Variants in AGAP1 observed in about 807,000 individuals in gnomAD.
AGAP1 encodes the protein arf-GAP with GTPase, ANK repeat and PH domain-containing protein 1.
A neutral mutation model predicts 105.3 loss-of-function variants in AGAP1; 29 were observed. The observed-to-expected ratio is 0.28, with a 90% CI of 0.21 to 0.38. The LOEUF (loss-of-function observed/expected upper bound fraction) is 0.38. Ranked by LOEUF, AGAP1 falls within the 10% of genes least tolerant of loss-of-function variation. The pLI is 1.00. For synonymous variants in AGAP1, 509 were observed against 485.9 expected, an observed-to-expected ratio of 1.05 and a Z score of -0.63; for missense variants, 998 against 1,165.1, an observed-to-expected ratio of 0.86 and a Z score of 2.09.
chr2:235,513,500 G>A (rs11894057), intron 1 of AGAP1, among the ~76,000 whole-genome samples: 6,204 of 147,346 alleles, frequency 0.042, 438 homozygotes, highest in African/African-American at 0.15. Flanking sequence ...CAGCCTGGGC[G>A]GCAGAGCAAG....
intron 1 of AGAP1, among the ~76,000 whole-genome samples, chr2:235,584,193 C>CTTTTTTTT (rs11447483): frequency 1.4e-5 from 2 of 139,986 alleles, no homozygotes; most frequent in Non-Finnish European, 1.5e-5. Flanking sequence ...CAATAAACCA[C>CTTTTTTTT]TTTTTTTTTT....
intron 1 of AGAP1, among the ~76,000 whole-genome samples, chr2:235,561,296 G>A (rs1402153217): frequency 1.3e-5 from 2 of 152,156 alleles, no homozygotes; most frequent in African/African-American, 2.4e-5. Flanking sequence ...AACAAATGAC[G>A]TTTAGGAAAC....
chr2:235,870,799 C>G (rs923034108), intron 9 of AGAP1, among the ~76,000 whole-genome samples: 1 of 152,184 alleles, frequency 6.6e-6, no homozygotes, highest in Admixed American at 6.5e-5. Flanking sequence ...CTCTGCCTTT[C>G]CCATAAGAAC....
intron 9 of AGAP1, among the ~76,000 whole-genome samples, chr2:235,819,214 G>T (rs1417460144): frequency 1.3e-5 from 2 of 150,094 alleles, no homozygotes; most frequent in Non-Finnish European, 2.9e-5. Flanking sequence ...CTCCCGTGTT[G>T]AATTGATCCT....
At chr2:235,956,919 C>T (rs535410786) in intron 12 of AGAP1, among the ~76,000 whole-genome samples, 3 of 152,340 alleles carry the variant, frequency 2.0e-5, no homozygotes, top group Non-Finnish European at 2.9e-5. Flanking sequence ...CTCACTAGAC[C>T]GTATAGTGGA....
rs1951618365 is a variant in AGAP1, at chr2:235,725,874, A to G, written c.310+8230A>G. ...CAGGTGATATTGTCTAAAAATAGGT[A>G]AAGGATGCTAACATTATTATTAGAT... On this transcript the variant is annotated intron_variant, in intron 3 of 17. Coordinates refer to ENST00000304032, the MANE Select transcript of AGAP1 (RefSeq NM_001037131.3). The surrounding 1 kb of genome is among the most constrained non-coding windows in gnomAD (Gnocchi z 5.7). 6.6e-6 allele frequency among the ~76,000 whole-genome samples: 1 copy of G among 152,238 alleles called. No individual in the cohort carries two copies. The highest frequency in any genetic ancestry group is 2.4e-5 in the African/African-American group (1 of 41,458).
At chr2:236,063,745 G>A (rs2058270603) in intron 16 of AGAP1, among the ~76,000 whole-genome samples, 1 of 152,228 alleles carries the variant, frequency 6.6e-6, no homozygotes, top group South Asian at 2.1e-4. Context: ...ACTCCTGGCT[G>A]CAGAGATCTG....
At chr2:235,682,436 G>T (rs552752484) in intron 1 of AGAP1, among the ~76,000 whole-genome samples, 54 of 151,968 alleles carry the variant, frequency 3.6e-4, no homozygotes, top group Admixed American at 3.3e-3. Flanking sequence ...TCTGCCTCCC[G>T]GGTTCAAGAG....
chr2:236,052,077 G>T (rs538596570), intron 16 of AGAP1, among the ~76,000 whole-genome samples: 1 of 152,204 alleles, frequency 6.6e-6, no homozygotes, highest in African/African-American at 2.4e-5. Flanking sequence ...CAGAACCTAC[G>T]ATTGTTAGTA....
rs6744259 is a variant in AGAP1 at position 235,904,909 on chromosome 2, A to G, written c.1156-3829A>G. Among the ~76,000 whole-genome samples, 122,305 of 151,754 alleles carry G rather than the reference A, an allele frequency of 0.81. 49,465 individuals carry two copies. Among genetic ancestry groups the G allele is most frequent in the East Asian group, 0.99 (5,110 of 5,164 alleles). ...TTGAGTAGGAAATGCATTTTGTAAA[A>G]TTTTTAAAAATGTGCAGTGCCTTGA... On this transcript the variant is annotated intron_variant, in intron 10 of 17. Coordinates refer to ENST00000304032, the MANE Select transcript of AGAP1 (RefSeq NM_001037131.3). This position sits in a 1 kb window ranked among gnomAD's most constrained non-coding sequence, Gnocchi z 4.2.
chr2:235,932,936 TTTTTA>T (rs1312676439), intron 12 of AGAP1, among the ~76,000 whole-genome samples: 1 of 152,208 alleles, frequency 6.6e-6, no homozygotes, highest in African/African-American at 2.4e-5. Context: ...GAATGCCAGT[TTTTTA>T]TTCACAAAGC....
chr2:236,052,923 T>C (rs893662928), intron 16 of AGAP1, among the ~76,000 whole-genome samples: 3 of 152,206 alleles, frequency 2.0e-5, no homozygotes, highest in African/African-American at 7.2e-5. Context: ...ATATCGATTT[T>C]AAGTGGGGAT....
intron 3 of AGAP1, chr2:235,718,405 T>C: frequency 1.0e-6 from 1 of 985,690 alleles, no homozygotes; most frequent in Non-Finnish European, 1.2e-6. Context: ...AACTATTCAT[T>C]TTCTTCATGG....
chr2:235,856,144 C>T (rs1005692859), intron 9 of AGAP1, among the ~76,000 whole-genome samples: 1 of 152,108 alleles, frequency 6.6e-6, no homozygotes, highest in African/African-American at 2.4e-5. Context: ...GAACTCCTGA[C>T]CTTGTGAGCC....
At chr2:236,070,567 C>T (rs1422653982) in intron 16 of AGAP1, among the ~76,000 whole-genome samples, 1 of 152,194 alleles carries the variant, frequency 6.6e-6, no homozygotes, top group Non-Finnish European at 1.5e-5. Context: ...CCAATGAATG[C>T]ATAAACAAAA....
chr2:236,057,474 A>T (rs367546386), intron 16 of AGAP1, among the ~76,000 whole-genome samples: 2 of 152,170 alleles, frequency 1.3e-5, no homozygotes, highest in Non-Finnish European at 2.9e-5. Context: ...ATCAGTGCTA[A>T]TCCTAAGAGC....
chr2:236,032,514 A>G (rs888624401), intron 13 of AGAP1, among the ~76,000 whole-genome samples: 8 of 152,188 alleles, frequency 5.3e-5, no homozygotes, highest in Non-Finnish European at 1.2e-4. Context: ...AGCACAGCCC[A>G]TGGCCCCTGG....
At position 236,124,399 on chromosome 2, in the gene AGAP1, A is replaced by G. The variant is rs891534039; in HGVS notation, c.*277A>G. 1.9e-4 allele frequency: 96 copies of G among 496,522 alleles called. No homozygotes were observed. Among genetic ancestry groups the G allele is most frequent in the Non-Finnish European group, 3.7e-5 (10 of 271,258 alleles). The allele number at this position is 496,522 out of a possible 1,614,324, so 30.8% of individuals were successfully genotyped here. ...AGCGACGGGCCTCGGCCCTTTGATG[A>G]TAGCACATGGCGCAGGACCCTTGTC... is the stretch of plus-strand genomic sequence containing the variant. On this transcript the variant is annotated 3_prime_UTR_variant, in exon 18 of 18. Transcript: ENST00000304032. This position sits in a 1 kb window ranked among gnomAD's most constrained non-coding sequence, Gnocchi z 5.1.
At chr2:235,652,370 C>G (rs2149325463) in intron 1 of AGAP1, among the ~76,000 whole-genome samples, 1 of 152,184 alleles carries the variant, frequency 6.6e-6, no homozygotes, top group African/African-American at 2.4e-5. Flanking sequence ...CCCTGGAGAC[C>G]CCTGTCCTCT....
Sources: gnomAD v4.1 joint callset for allele counts (sites outside exome capture counted in the v4.1 genomes callset) on GRCh38, gnomAD v4.1.1 for gene constraint, Gnocchi (gnomAD v3.1) non-coding constraint, MANE v1.5 for transcripts, NCBI Gene and HGNC (gene_info 2026-07-23, HGNC 2026-07-21) for gene names.